Variants in GPC6 observed in about 807,000 individuals in gnomAD.
The protein encoded by GPC6 is glypican-6.
In GPC6, 14 loss-of-function variants were observed where a neutral mutation model predicts 55.2. The observed-to-expected ratio is 0.25, with a 90% CI of 0.17 to 0.40. The LOEUF (loss-of-function observed/expected upper bound fraction) is 0.40. Among genes scored for constraint, GPC6 ranks in the 10% least tolerant of loss-of-function variants. GPC6 has a pLI of 1.00. For missense variants in GPC6, 641 were observed against 708.5 expected (o/e 0.90, Z 1.08); for synonymous variants, 278 against 259.6 (o/e 1.07, Z -0.68).
chr13:93,474,703 T>C (rs534933527), intron 1 of GPC6, among the ~76,000 whole-genome samples: 48 of 152,352 alleles, frequency 3.2e-4, no homozygotes, highest in Non-Finnish European at 5.7e-4. Flanking sequence ...TGTGTACTTT[T>C]CAAAGCCTTC....
intron 1 of GPC6, among the ~76,000 whole-genome samples, chr13:93,447,545 A>C (rs539923069): frequency 6.6e-6 from 1 of 152,308 alleles, no homozygotes; most frequent in Non-Finnish European, 1.5e-5. Context: ...TGCACACATT[A>C]CTTTTGATCA....
chr13:94,401,385 C>T (rs984484822), intron 8 of GPC6, among the ~76,000 whole-genome samples: 1 of 152,140 alleles, frequency 6.6e-6, no homozygotes. Context: ...TAATTGGCAG[C>T]CTGATCTGGG....
intron 2 of GPC6, among the ~76,000 whole-genome samples, chr13:93,552,439 TCTCCTCCTCCTC>T (rs71706553): frequency 4.6e-4 from 70 of 150,994 alleles, no homozygotes; most frequent in African/African-American, 1.6e-3. Flanking sequence ...GCCTTCCTTC[TCTCCTCCTCCTC>T]CTCCTCCTCC....
chr13:94,186,355 A>C (rs1889187042), intron 4 of GPC6, among the ~76,000 whole-genome samples: 1 of 152,198 alleles, frequency 6.6e-6, no homozygotes, highest in Non-Finnish European at 1.5e-5. Flanking sequence ...AGATGCTTGC[A>C]AGCCAACAAG....
At chr13:94,237,482 CT>C (rs1186281898) in intron 4 of GPC6, among the ~76,000 whole-genome samples, 1 of 152,120 alleles carries the variant, frequency 6.6e-6, no homozygotes, top group Non-Finnish European at 1.5e-5. Flanking sequence ...GGTAAGGTCT[CT>C]TTGTAGGTGG....
intron 4 of GPC6, among the ~76,000 whole-genome samples, chr13:94,041,261 C>G (rs1883521766): frequency 6.6e-6 from 1 of 151,818 alleles, no homozygotes; most frequent in Non-Finnish European, 1.5e-5. Context: ...TCTGAAACCT[C>G]TTAATTCAGC....
chr13:93,927,100 T>A (rs1198133886), intron 3 of GPC6, among the ~76,000 whole-genome samples: 1 of 152,176 alleles, frequency 6.6e-6, no homozygotes, highest in East Asian at 1.9e-4. Flanking sequence ...ACGAAATAGA[T>A]TAATGTTTCT....
rs191420832 is a variant in GPC6 at position 93,699,543 on chromosome 13, C to T, written c.320-130611C>T. Among the ~76,000 whole-genome samples the T allele has an allele frequency of 1.9e-3, 293 of 152,184 alleles. 1 individual carries two copies. Among genetic ancestry groups the T allele is most frequent in the African/African-American group, 6.2e-3 (259 of 41,552 alleles). On this transcript the variant is annotated intron_variant, in intron 2 of 8. Coordinates refer to ENST00000377047, the MANE Select transcript of GPC6 (RefSeq NM_005708.5). ...CATAGTCCTAAATCATGCCTGATTT[C>T]CTTTTGCCCATATAAATATTATGAG...
chr13:93,536,367 A>G (rs1014883309), intron 1 of GPC6, among the ~76,000 whole-genome samples: 8 of 152,156 alleles, frequency 5.3e-5, no homozygotes, highest in Admixed American at 1.3e-4. Context: ...CTGAAATTCT[A>G]TAATCGTTTA....
At chr13:94,373,161 C>T (rs1405385333) in intron 6 of GPC6, among the ~76,000 whole-genome samples, 5 of 152,166 alleles carry the variant, frequency 3.3e-5, no homozygotes, top group Admixed American at 1.3e-4. Flanking sequence ...GAGCGCCTCT[C>T]CTCCTCCAAA....
At chr13:94,148,962 AC>A (rs1887648817) in intron 4 of GPC6, among the ~76,000 whole-genome samples, 1 of 147,396 alleles carries the variant, frequency 6.8e-6, no homozygotes. Flanking sequence ...TAACACACAT[AC>A]ACACACACAA....
At chr13:93,366,925 A>T (rs1881271987) in intron 1 of GPC6, among the ~76,000 whole-genome samples, 2 of 152,038 alleles carry the variant, frequency 1.3e-5, no homozygotes, top group African/African-American at 4.8e-5. Context: ...TACACTTCCA[A>T]TTATTAATTA....
intron 1 of GPC6, among the ~76,000 whole-genome samples, chr13:93,346,472 T>A (rs1050060581): frequency 2.0e-5 from 3 of 152,180 alleles, no homozygotes; most frequent in Non-Finnish European, 1.5e-5. Flanking sequence ...CCTATTCTCA[T>A]ATTTACCTGA....
intron 3 of GPC6, among the ~76,000 whole-genome samples, chr13:93,903,978 C>A (rs1351594263): frequency 6.6e-6 from 1 of 152,008 alleles, no homozygotes; most frequent in Non-Finnish European, 1.5e-5. Context: ...CTGTGTCTTG[C>A]ACATTTTGTG....
intron 3 of GPC6, among the ~76,000 whole-genome samples, chr13:93,996,484 G>A (rs376937196): frequency 6.6e-6 from 1 of 151,762 alleles, no homozygotes; most frequent in Non-Finnish European, 1.5e-5. Context: ...CTAACATTGA[G>A]GCTTCGAGTC....
At chr13:94,284,087 G>A (rs1892461847) in intron 4 of GPC6, among the ~76,000 whole-genome samples, 1 of 152,192 alleles carries the variant, frequency 6.6e-6, no homozygotes, top group African/African-American at 2.4e-5. Context: ...AACCCAGGGA[G>A]CTTGACTGAT....
chr13:93,332,840 A>G (rs935070924), intron 1 of GPC6, among the ~76,000 whole-genome samples: 8 of 152,046 alleles, frequency 5.3e-5, no homozygotes, highest in Non-Finnish European at 7.4e-5. Context: ...CAGGCCTTAC[A>G]CTGAAGTATT....
At chr13:93,302,964 T>C (rs986540452) in intron 1 of GPC6, among the ~76,000 whole-genome samples, 1 of 152,044 alleles carries the variant, frequency 6.6e-6, no homozygotes, top group African/African-American at 2.4e-5. Flanking sequence ...TATAAATGCC[T>C]ATATAAAAGA....
Position 94,264,494 on chromosome 13 carries a change from T to C in GPC6, c.878-21855T>C, listed in dbSNP as rs145485145. Among the ~76,000 whole-genome samples the C allele has an allele frequency of 5.8e-3, 880 of 152,300 alleles. 10 individuals are homozygous for C. The highest frequency in any genetic ancestry group is 0.02 in the African/African-American group (839 of 41,582). On this transcript the variant is annotated intron_variant, in intron 4 of 8. Coordinates refer to ENST00000377047, the MANE Select transcript of GPC6 (RefSeq NM_005708.5). ...CTCTCATCCTTTCTTTCAGCATATA[T>C]TTGTTGTTGAAAATATGTATTTGCT...
Sources: gnomAD v4.1 joint callset for allele counts (sites outside exome capture counted in the v4.1 genomes callset) on GRCh38, gnomAD v4.1.1 for gene constraint, MANE v1.5 for transcripts, NCBI Gene and HGNC (gene_info 2026-07-23, HGNC 2026-07-21) for gene names.